Variants in ZC3H12C observed in about 807,000 individuals in gnomAD.
ZC3H12C encodes the protein zinc finger CCCH-type containing 12C.
A neutral mutation model predicts 76.3 loss-of-function variants in ZC3H12C; 20 were observed. That is an observed-to-expected ratio of 0.26 (90% confidence interval 0.18 to 0.38). The LOEUF (loss-of-function observed/expected upper bound fraction) is 0.38, where lower values mean the gene tolerates loss of function less well. Ranked by LOEUF, ZC3H12C falls within the 10% of genes least tolerant of loss-of-function variation. ZC3H12C has a pLI of 1.00. For synonymous variants in ZC3H12C, 352 were observed against 399.6 expected, an observed-to-expected ratio of 0.88 and a Z score of 1.42; for missense variants, 874 against 1,086.5, an observed-to-expected ratio of 0.80 and a Z score of 2.75.
intron 3 of ZC3H12C, among the ~76,000 whole-genome samples, chr11:110,155,019 G>T (rs1401946192): frequency 1.3e-5 from 2 of 152,102 alleles, no homozygotes; most frequent in Non-Finnish European, 2.9e-5. Context: ...CAGATGCAGT[G>T]GCTCAAGCCT....
At chr11:110,109,237 T>C (rs1015031201) in intron 1 of ZC3H12C, among the ~76,000 whole-genome samples, 1 of 152,198 alleles carries the variant, frequency 6.6e-6, no homozygotes, top group African/African-American at 2.4e-5. Flanking sequence ...TGTTATAGCA[T>C]GTCTGTAGAA....
chr11:110,126,562 G>T (rs1156520230), intron 1 of ZC3H12C, among the ~76,000 whole-genome samples: 1 of 151,658 alleles, frequency 6.6e-6, no homozygotes, highest in Non-Finnish European at 1.5e-5. Context: ...TTTACTTAAT[G>T]GCTATGGAGG....
rs768933387 is a variant in ZC3H12C, at chr11:110,165,225, G to A, written c.2140G>A (p.Ala714Thr). 6.8e-6 allele frequency: 11 copies of A among 1,613,920 alleles called. No individual in the cohort carries two copies. The highest frequency in any genetic ancestry group is 3.3e-5 in the South Asian group (3 of 91,076). Residue 714 changes from alanine (A) to threonine (T), a missense_variant, in exon 6 of 6, where the codon GCT becomes ACT. Ala to Thr is a moderately conservative substitution (Grantham distance 58). Coordinates refer to ENST00000278590, the MANE Select transcript of ZC3H12C (RefSeq NM_033390.2). Reference protein sequence around the residue: ...PHLALHLPHSAVGARSSCPGD... With the variant: ...PHLALHLPHSTVGARSSCPGD... ...CCTGGCTCTGCACCTGCCGCACTCC[G>A]CTGTGGGCGCCCGGTCCAGCTGTCC...
At position 110,169,860 on chromosome 11, in the gene ZC3H12C, T is replaced by C. The variant is rs771718098; in HGVS notation, c.*4123T>C. The C allele has an allele frequency of 1.3e-5, 2 of 152,228 alleles. No individual in the cohort carries two copies. The highest frequency in any genetic ancestry group is 2.4e-5 in the African/African-American group (1 of 41,456). The allele number at this position is 152,228 out of a possible 1,614,324, so 9.4% of individuals were successfully genotyped here. A position where few individuals can be genotyped will look rare whatever the true frequency, so the allele number is the denominator to read the frequency against. ...ATCATATGGACTTCAAATGCCATTG[T>C]AAAAACTACTCAGCTCTGCCTTTAG... On this transcript the variant is annotated 3_prime_UTR_variant, in exon 6 of 6. Coordinates refer to ENST00000278590, the MANE Select transcript of ZC3H12C (RefSeq NM_033390.2).
At chr11:110,157,636 A>G (rs942561552) in intron 3 of ZC3H12C, among the ~76,000 whole-genome samples, 4 of 151,978 alleles carry the variant, frequency 2.6e-5, no homozygotes, top group Admixed American at 2.0e-4. Context: ...GGATTTTGCT[A>G]TGTTGGCCAG....
chr11:110,148,564 C>G (rs145580498), intron 2 of ZC3H12C, among the ~76,000 whole-genome samples: 112 of 152,250 alleles, frequency 7.4e-4, no homozygotes, highest in African/African-American at 2.6e-3. Flanking sequence ...GAGTTCTGAC[C>G]TAATCACGGG....
Position 110,164,806 on chromosome 11 carries a change from CT to C in ZC3H12C, c.1723del (p.Tyr575MetfsTer19). The C allele has an allele frequency of 6.2e-7, 1 of 1,614,004 alleles. No homozygotes were observed. The highest frequency in any genetic ancestry group is 8.5e-7 in the Non-Finnish European group (1 of 1,179,904). On this transcript the variant is annotated frameshift_variant, in exon 6 of 6. Transcript: ENST00000278590. LOFTEE classifies it high-confidence loss of function. This position sits in a 1 kb window ranked among gnomAD's most constrained non-coding sequence, Gnocchi z 5.7. Reference protein sequence around the residue: ...MATKNHGTPMPYEQYPKCDSP... With the variant: ...MATKNHGTPMXYEQYPKCDSP... ...ACCAAAAATCATGGAACGCCAATGC[CT>C]TATGAACAGTATCCAAAATGTGACT...
chr11:110,119,679 A>T (rs1178826724), intron 1 of ZC3H12C, among the ~76,000 whole-genome samples: 9 of 152,180 alleles, frequency 5.9e-5, no homozygotes. Context: ...TATTGCTCAC[A>T]GTTCTGGAAG....
At chr11:110,105,715 G>T (rs1314224531) in intron 1 of ZC3H12C, among the ~76,000 whole-genome samples, 1 of 151,904 alleles carries the variant, frequency 6.6e-6, no homozygotes, top group East Asian at 1.9e-4. Context: ...TGCATATATA[G>T]TTTTGTTTGG....
At chr11:110,127,507 A>G (rs1008145272) in intron 1 of ZC3H12C, among the ~76,000 whole-genome samples, 1 of 152,144 alleles carries the variant, frequency 6.6e-6, no homozygotes, top group African/African-American at 2.4e-5. Context: ...CAAAAATAAT[A>G]GTTTTTGGTT....
chr11:110,129,270 G>A (rs541475975), intron 1 of ZC3H12C, among the ~76,000 whole-genome samples: 1 of 152,230 alleles, frequency 6.6e-6, no homozygotes, highest in South Asian at 2.1e-4. Flanking sequence ...GTAAACAAAT[G>A]ATGATCTGTA....
chr11:110,143,904 T>A (rs1378135726), intron 2 of ZC3H12C, among the ~76,000 whole-genome samples: 1 of 152,240 alleles, frequency 6.6e-6, no homozygotes, highest in East Asian at 1.9e-4. Flanking sequence ...GATAGGTAGG[T>A]TAATCTAATT....
At chr11:110,121,963 A>C (rs912888775) in intron 1 of ZC3H12C, among the ~76,000 whole-genome samples, 1 of 152,046 alleles carries the variant, frequency 6.6e-6, no homozygotes, top group African/African-American at 2.4e-5. Flanking sequence ...TAAACACATA[A>C]CTCTGTTTTA....
intron 1 of ZC3H12C, among the ~76,000 whole-genome samples, chr11:110,134,858 G>A (rs1861927179): frequency 6.6e-6 from 1 of 152,062 alleles, no homozygotes; most frequent in African/African-American, 2.4e-5. Flanking sequence ...TACACTGAAG[G>A]AATGTTAAGT....
At chr11:110,137,918 AT>A (rs1388818591) in intron 2 of ZC3H12C, among the ~76,000 whole-genome samples, 2 of 152,084 alleles carry the variant, frequency 1.3e-5, no homozygotes, top group Non-Finnish European at 2.9e-5. Flanking sequence ...ATCAGAAATA[AT>A]TCTTAAGGAA....
At chr11:110,114,277 A>C (rs895375675) in intron 1 of ZC3H12C, among the ~76,000 whole-genome samples, 6 of 152,192 alleles carry the variant, frequency 3.9e-5, no homozygotes, top group African/African-American at 1.2e-4. Context: ...TAGGGAATAT[A>C]GGAATAGTTT....
At chr11:110,144,668 C>T (rs1007018118) in intron 2 of ZC3H12C, among the ~76,000 whole-genome samples, 4 of 152,132 alleles carry the variant, frequency 2.6e-5, no homozygotes, top group African/African-American at 9.6e-5. Context: ...TAAAGATCAC[C>T]TGTAATTTCC....
At chr11:110,117,942 ATT>A (rs1861575960) in intron 1 of ZC3H12C, among the ~76,000 whole-genome samples, 1 of 124,144 alleles carries the variant, frequency 8.1e-6, no homozygotes, top group African/African-American at 3.5e-5. Context: ...ACATATATAT[ATT>A]ATATATACAC....
intron 1 of ZC3H12C, among the ~76,000 whole-genome samples, chr11:110,095,993 G>A (rs1388970971): frequency 2.0e-5 from 3 of 152,140 alleles, no homozygotes; most frequent in Admixed American, 6.5e-5. Flanking sequence ...GAGTTTGATC[G>A]TAAATCTACC....
Sources: allele counts gnomAD v4.1 joint callset (sites outside exome capture counted in the v4.1 genomes callset), GRCh38; gene constraint gnomAD v4.1.1; non-coding constraint Gnocchi (gnomAD v3.1); transcripts MANE v1.5; gene names NCBI Gene and HGNC (gene_info 2026-07-23, HGNC 2026-07-21).